The following KCNIP4 variants were observed in gnomAD, a reference collection of about 807,000 sequenced individuals.
KCNIP4 encodes the protein Kv channel-interacting protein 4.
Under a neutral mutation model 34.0 loss-of-function variants are expected in KCNIP4, and 12 were observed. The ratio of observed to expected loss-of-function variants is 0.35; its 90% CI spans 0.23 to 0.57. KCNIP4 has a LOEUF of 0.57. Ranked by LOEUF, KCNIP4 falls within the 20% of genes least tolerant of loss-of-function variation. KCNIP4 has a pLI of 0.83. For missense variants in KCNIP4, 238 were observed against 311.7 expected (o/e 0.76, Z 1.78); for synonymous variants, 124 against 102.2 (o/e 1.21, Z -1.29).
At chr4:21,178,795 TTC>T (rs1754626647) in intron 1 of KCNIP4, among the ~76,000 whole-genome samples, 1 of 151,384 alleles carries the variant, frequency 6.6e-6, no homozygotes, top group African/African-American at 2.4e-5. Flanking sequence ...CCTTCTAGTT[TTC>T]TGTCTTCTAA....
chr4:21,891,527 A>G (rs184069873), intron 1 of KCNIP4, among the ~76,000 whole-genome samples: 2 of 152,222 alleles, frequency 1.3e-5, no homozygotes, highest in Admixed American at 1.3e-4. Flanking sequence ...CTCTCTGAGC[A>G]GGGTGACAGA....
At chr4:21,861,824 C>T (rs1256410785) in intron 1 of KCNIP4, among the ~76,000 whole-genome samples, 2 of 152,134 alleles carry the variant, frequency 1.3e-5, no homozygotes, top group African/African-American at 4.8e-5. Flanking sequence ...CCCCAGCAAA[C>T]GCGGGTCAGG....
At chr4:21,821,068 T>A (rs1034892338) in intron 1 of KCNIP4, among the ~76,000 whole-genome samples, 1 of 152,102 alleles carries the variant, frequency 6.6e-6, no homozygotes, top group Non-Finnish European at 1.5e-5. Flanking sequence ...TTAATTTACA[T>A]CTCCTAATAA....
At chr4:21,665,738 T>C (rs1448685373) in intron 1 of KCNIP4, among the ~76,000 whole-genome samples, 2 of 152,158 alleles carry the variant, frequency 1.3e-5, no homozygotes, top group Non-Finnish European at 2.9e-5. Flanking sequence ...TAAGGGCGTA[T>C]CAGGCATTTG....
intron 1 of KCNIP4, among the ~76,000 whole-genome samples, chr4:20,906,700 T>C (rs1218915048): frequency 2.0e-5 from 3 of 152,248 alleles, no homozygotes; most frequent in African/African-American, 7.2e-5. Context: ...AGAGCCAATA[T>C]ACCCTTTATG....
chr4:21,425,661 G>T (rs1725866743), intron 1 of KCNIP4, among the ~76,000 whole-genome samples: 1 of 152,070 alleles, frequency 6.6e-6, no homozygotes, highest in Non-Finnish European at 1.5e-5. Context: ...AATTCTTTCA[G>T]AAGTTATGAT....
intron 1 of KCNIP4, among the ~76,000 whole-genome samples, chr4:21,074,258 G>A (rs937729665): frequency 5.3e-5 from 8 of 152,060 alleles, no homozygotes; most frequent in Admixed American, 3.9e-4. Context: ...CTGTGAATCT[G>A]TCTAGTCCTG....
At chr4:21,442,188 A>G (rs1212654714) in intron 1 of KCNIP4, among the ~76,000 whole-genome samples, 3 of 152,208 alleles carry the variant, frequency 2.0e-5, no homozygotes, top group Non-Finnish European at 2.9e-5. Flanking sequence ...GTTAGAGGGT[A>G]CCATAGACAT....
intron 1 of KCNIP4, among the ~76,000 whole-genome samples, chr4:21,223,278 G>C (rs779053815): frequency 2.6e-5 from 4 of 152,140 alleles, no homozygotes; most frequent in South Asian, 2.1e-4. Context: ...AAGGCCACAA[G>C]CCAAGGAATG....
At chr4:20,986,479 G>A (rs533117256) in intron 1 of KCNIP4, among the ~76,000 whole-genome samples, 6 of 152,074 alleles carry the variant, frequency 3.9e-5, no homozygotes, top group Admixed American at 2.6e-4. Flanking sequence ...GCTACAGAAA[G>A]TCAAAAGTTA....
intron 2 of KCNIP4, 78 bp downstream of exon 2, chr4:20,882,530 A>G (rs1373643160): frequency 2.2e-6 from 2 of 909,600 alleles, no homozygotes; most frequent in African/African-American, 3.3e-5. Flanking sequence ...TTCTTTGTAG[A>G]GAACGGCAAT....
intron 1 of KCNIP4, among the ~76,000 whole-genome samples, chr4:21,574,693 G>A (rs1241499097): frequency 6.6e-6 from 1 of 152,158 alleles, no homozygotes; most frequent in Non-Finnish European, 1.5e-5. Flanking sequence ...CACTTGAAGA[G>A]CTGGATAATA....
intron 1 of KCNIP4, among the ~76,000 whole-genome samples, chr4:21,691,434 G>T (rs1443618173): frequency 1.3e-5 from 2 of 152,068 alleles, no homozygotes; most frequent in Non-Finnish European, 2.9e-5. Context: ...TTACCAGCTG[G>T]AGCATACACA....
intron 1 of KCNIP4, among the ~76,000 whole-genome samples, chr4:21,944,556 C>CA (rs5856680): frequency 0.2 from 20,325 of 102,882 alleles, 2,399 homozygotes; most frequent in East Asian, 0.54. Flanking sequence ...GACTCCGTCT[C>CA]AAAAAAAAAA....
chr4:21,189,956 A>G (rs1755504540), intron 1 of KCNIP4, among the ~76,000 whole-genome samples: 1 of 152,236 alleles, frequency 6.6e-6, no homozygotes, highest in African/African-American at 2.4e-5. Flanking sequence ...GTTTAAGTCC[A>G]TCCCTTATAC....
chr4:21,210,376 G>A (rs1757135470), intron 1 of KCNIP4, among the ~76,000 whole-genome samples: 1 of 152,130 alleles, frequency 6.6e-6, no homozygotes, highest in Non-Finnish European at 1.5e-5. Flanking sequence ...AATTAGCCTA[G>A]AGAAATAGCA....
intron 1 of KCNIP4, among the ~76,000 whole-genome samples, chr4:21,861,932 T>C (rs1015690545): frequency 2.0e-5 from 3 of 152,164 alleles, no homozygotes; most frequent in Non-Finnish European, 4.4e-5. Flanking sequence ...CCCTATGCTA[T>C]GTCTTCTCTC....
intron 1 of KCNIP4, among the ~76,000 whole-genome samples, chr4:21,393,814 T>C (rs925235015): frequency 1.3e-5 from 2 of 152,164 alleles, no homozygotes; most frequent in African/African-American, 4.8e-5. Context: ...CAATTCTATG[T>C]ATAAAACATT....
At chr4:21,592,301 T>C (rs574104064) in intron 1 of KCNIP4, among the ~76,000 whole-genome samples, 3 of 152,262 alleles carry the variant, frequency 2.0e-5, no homozygotes, top group Non-Finnish European at 4.4e-5. Context: ...CTATGGATCA[T>C]GGATGTCTCA....
Sources: allele counts gnomAD v4.1 joint callset (sites outside exome capture counted in the v4.1 genomes callset), GRCh38; gene constraint gnomAD v4.1.1; transcripts MANE v1.5; gene names NCBI Gene and HGNC (gene_info 2026-07-23, HGNC 2026-07-21).